The following SLC28A1 variants were observed in gnomAD, a reference collection of about 807,000 sequenced individuals.
The protein encoded by SLC28A1 is sodium/nucleoside cotransporter 1.
In SLC28A1, 64 loss-of-function variants were observed where a neutral mutation model predicts 74.8. The ratio of observed to expected loss-of-function variants is 0.86; its 90% confidence interval spans 0.70 to 1.05. SLC28A1 has a LOEUF of 1.05. SLC28A1 is among the 50% of genes least tolerant of loss of function. The pLI is 0.00. For missense variants in SLC28A1, 828 were observed against 822.8 expected (o/e 1.01, Z -0.08); for synonymous variants, 359 against 335.0 (o/e 1.07, Z -0.78).
intron 6 of SLC28A1, among the ~76,000 whole-genome samples, chr15:84,900,231 G>A (rs964043362): frequency 2.0e-5 from 3 of 151,706 alleles, no homozygotes; most frequent in African/African-American, 7.3e-5. Context: ...TTGGGTGGCT[G>A]AGGGACAAGA....
At chr15:84,959,831 A>C in the SLC28A1 span, among the ~76,000 whole-genome samples, 2 of 152,146 alleles carry the variant, frequency 1.3e-5, no homozygotes, top group South Asian at 4.1e-4. Flanking sequence ...TGTCTTCCAT[A>C]TTAGATTCTG....
chr15:84,885,595 G>A (rs142309011), intron 1 of SLC28A1, among the ~76,000 whole-genome samples: 20,287 of 151,754 alleles, frequency 0.13, 1,860 homozygotes, highest in Non-Finnish European at 0.2. Flanking sequence ...GCCAGGTGTG[G>A]TGGCGCATGC....
At chr15:84,912,490 G>A (rs567624955) in intron 9 of SLC28A1, among the ~76,000 whole-genome samples, 1 of 152,252 alleles carries the variant, frequency 6.6e-6, no homozygotes, top group African/African-American at 2.4e-5. Context: ...CCAGCACAGT[G>A]GACGTGGCAG....
At chr15:84,965,903 A>AGGGGGGGG in the SLC28A1 span, among the ~76,000 whole-genome samples, 7 of 117,754 alleles carry the variant, frequency 5.9e-5, no homozygotes, top group South Asian at 2.5e-4. Flanking sequence ...GGAGGCGGGG[A>AGGGGGGGG]GGGGGGGGAA....
intron 10 of SLC28A1, among the ~76,000 whole-genome samples, chr15:84,919,131 T>A (rs1412142526): frequency 1.3e-5 from 2 of 152,098 alleles, no homozygotes; most frequent in Non-Finnish European, 2.9e-5. Context: ...TGAAAAGGTG[T>A]AGAGGGAAGA....
chr15:84,962,449 G>A, the SLC28A1 span, among the ~76,000 whole-genome samples: 1 of 151,228 alleles, frequency 6.6e-6, no homozygotes, highest in Middle Eastern at 3.5e-3. Context: ...ATGATTTTTT[G>A]TTTTTTGAGA....
chr15:84,910,326 C>G (rs1403567590), intron 9 of SLC28A1, among the ~76,000 whole-genome samples: 1 of 152,206 alleles, frequency 6.6e-6, no homozygotes, highest in African/African-American at 2.4e-5. Flanking sequence ...CTTTGCATAA[C>G]CAATGCGGGG....
At chr15:84,887,716 CG>C (rs1567109484) in intron 2 of SLC28A1, 28 bp from the exon 3 acceptor site, 1 of 1,600,592 alleles carries the variant, frequency 6.2e-7, no homozygotes, top group Non-Finnish European at 8.6e-7. Flanking sequence ...TCCCTTTCAG[CG>C]TTGGGCGCTC....
At chr15:84,893,447 A>G (rs1297984583) in intron 5 of SLC28A1, among the ~76,000 whole-genome samples, 1 of 152,154 alleles carries the variant, frequency 6.6e-6, no homozygotes, top group Non-Finnish European at 1.5e-5. Flanking sequence ...ATGTGAGAGA[A>G]AGGTCATTTT....
At chr15:84,890,259 C>T (rs1596196504) in intron 4 of SLC28A1, among the ~76,000 whole-genome samples, 184 bp from the exon 5 acceptor site, 1 of 152,226 alleles carries the variant, frequency 6.6e-6, no homozygotes, top group African/African-American at 2.4e-5. Context: ...GGCAGGAAGG[C>T]CTGAACCATT....
the SLC28A1 span, among the ~76,000 whole-genome samples, chr15:84,951,176 C>A: frequency 1.6e-4 from 25 of 152,162 alleles, 1 homozygote; most frequent in South Asian, 4.4e-3. Flanking sequence ...AGCCTGAGGC[C>A]GTGGCTCGCC....
At chr15:84,907,409 T>C (rs1967403295) in intron 8 of SLC28A1, among the ~76,000 whole-genome samples, 1 of 152,222 alleles carries the variant, frequency 6.6e-6, no homozygotes, top group South Asian at 2.1e-4. Context: ...GGTCTTGAAG[T>C]CCTGGGCTCA....
Position 84,944,662 on chromosome 15 carries a change from C to G in SLC28A1, c.1760C>G (p.Ala587Gly). ...ACVSLVNACM[A>G]GILYMPRGAE... is the part of the protein sequence containing the mutation. ...GTGTCCCTGGTGAACGCCTGTATGG[C>G]AGGTGAGTGCAGGCCTGGCAGGCTC... The change falls in exon 17 of 19, where the codon GCA (alanine) becomes GGA (glycine). Residue 587 changes from alanine to glycine, a missense_variant and splice_region_variant. Physicochemically the swap from Ala to Gly is moderately conservative, Grantham distance 60 (BLOSUM62 0). This residue lies in a region of SLC28A1 where 767 missense variants were observed against 753.5 expected (regional missense o/e 1.02). Coordinates refer to ENST00000394573, the MANE Select transcript of SLC28A1 (RefSeq NM_004213.5). 1 of 1,611,664 alleles carries G rather than the reference C, an allele frequency of 6.2e-7. No individual in the cohort carries two copies. The highest frequency in any genetic ancestry group is 8.5e-7 in the Non-Finnish European group (1 of 1,177,686).
At chr15:84,913,023 G>A (rs1968572181) in intron 9 of SLC28A1, among the ~76,000 whole-genome samples, 1 of 152,072 alleles carries the variant, frequency 6.6e-6, no homozygotes, top group South Asian at 2.1e-4. Context: ...GAAAACCCAG[G>A]ATCCAGGCAG....
At chr15:84,895,611 TG>T in intron 6 of SLC28A1, 1 of 1,486,946 alleles carries the variant, frequency 6.7e-7, no homozygotes, top group Non-Finnish European at 9.0e-7. Flanking sequence ...CTTGGAGCGC[TG>T]GAAATCTCAG....
chr15:84,960,477 C>G, the SLC28A1 span, among the ~76,000 whole-genome samples: 1 of 151,846 alleles, frequency 6.6e-6, no homozygotes, highest in African/African-American at 2.4e-5. Flanking sequence ...AGGCTGGCCT[C>G]GAACCCCTGT....
At chr15:84,885,388 C>A (rs752192880) in intron 1 of SLC28A1, among the ~76,000 whole-genome samples, 13 of 151,696 alleles carry the variant, frequency 8.6e-5, no homozygotes, top group Non-Finnish European at 1.3e-4. Flanking sequence ...ACTGTGTGAT[C>A]CCCTATTGGA....
chr15:84,952,631 A>G, the SLC28A1 span, among the ~76,000 whole-genome samples: 15 of 152,232 alleles, frequency 9.9e-5, no homozygotes, highest in Non-Finnish European at 2.1e-4. Context: ...TACGCCTGTA[A>G]TCCCAGCACT....
Position 84,888,866 on chromosome 15 carries a change from TG to T in SLC28A1, c.185+7del. 3 of 1,547,810 alleles carry T rather than the reference TG, an allele frequency of 1.9e-6. No homozygotes were observed. Among genetic ancestry groups the T allele is most frequent in the Non-Finnish European group, 2.6e-6 (3 of 1,143,516 alleles). On this transcript the variant is annotated splice_region_variant and intron_variant, in intron 4 of 18. Transcript: ENST00000394573. ...CCGAAGCCCTTCTCCAGATGGTAGG[TG>T]ATCTCTGGAGAGACAAGGGCGGGCC... is the stretch of plus-strand genomic sequence containing the variant.
Sources: allele counts gnomAD v4.1 joint callset (sites outside exome capture counted in the v4.1 genomes callset), GRCh38; gene constraint gnomAD v4.1.1; regional missense constraint gnomAD v4.1.1; transcripts MANE v1.5; gene names NCBI Gene and HGNC (gene_info 2026-07-23, HGNC 2026-07-21).